ACOT12: variants seen among roughly 807,000 people sequenced by gnomAD.
ACOT12 encodes the protein acyl-CoA thioesterase 12, also known as acetyl-coenzyme A thioesterase.
ACOT12 carries 51 observed loss-of-function variants against 67.7 expected under a neutral mutation model. The observed-to-expected ratio is 0.75, with a 90% CI of 0.60 to 0.95. The LOEUF (loss-of-function observed/expected upper bound fraction) is 0.95. ACOT12 is among the 40% of genes least tolerant of loss of function. ACOT12 has a pLI of 0.00. For synonymous variants in ACOT12, 251 were observed against 244.6 expected, an observed-to-expected ratio of 1.03 and a Z score of -0.24; for missense variants, 734 against 708.1, an observed-to-expected ratio of 1.04 and a Z score of -0.41.
intron 5 of ACOT12, among the ~76,000 whole-genome samples, chr5:81,359,247 C>T (rs1561337631): frequency 1.3e-5 from 2 of 152,104 alleles, no homozygotes; most frequent in Non-Finnish European, 2.9e-5. Flanking sequence ...ACCGGCACCC[C>T]TTGGGGCTTC....
chr5:81,329,524 AAACT>A (rs1259888402), downstream of ACOT12, among the ~76,000 whole-genome samples: 2 of 152,198 alleles, frequency 1.3e-5, no homozygotes, highest in Non-Finnish European at 2.9e-5. Flanking sequence ...GAACTTTAGC[AAACT>A]AACAGCAGGA....
intron 3 of ACOT12, among the ~76,000 whole-genome samples, chr5:81,366,012 T>A (rs1017703919): frequency 6.6e-6 from 1 of 152,220 alleles, no homozygotes; most frequent in East Asian, 1.9e-4. Context: ...AACTGTAACA[T>A]GGACAATTCC....
chr5:81,343,099 TGAACCCGCCACCGGGAGGC>T (rs1352617846), intron 10 of ACOT12, among the ~76,000 whole-genome samples: 5 of 152,174 alleles, frequency 3.3e-5, no homozygotes, highest in Middle Eastern at 3.4e-3. Context: ...AAGAATCGCT[TGAACCCGCCACCGGGAGGC>T]GGAGGTTGCA....
At chr5:81,362,456 A>C (rs757900270) in intron 4 of ACOT12, among the ~76,000 whole-genome samples, 1 of 152,124 alleles carries the variant, frequency 6.6e-6, no homozygotes, top group East Asian at 1.9e-4. Context: ...ATGAGCCACC[A>C]TGCTCGGCCG....
chr5:81,380,437 G>T (rs560231183), intron 2 of ACOT12, among the ~76,000 whole-genome samples: 18 of 151,942 alleles, frequency 1.2e-4, no homozygotes, highest in Admixed American at 2.6e-4. Flanking sequence ...GGTGGCACGT[G>T]CCTGTAATCT....
At chr5:81,345,103 A>ACACCGCTGCCACCTCCTCGCC (rs879622388) in intron 7 of ACOT12, 62 bp from the exon 8 acceptor site, 8 of 678,916 alleles carry the variant, frequency 1.2e-5, no homozygotes, top group Admixed American at 1.1e-4. Flanking sequence ...CCCTCCTTGC[A>ACACCGCTGCCACCTCCTCGCC]CACCGCTGCC....
In ACOT12 at chr5:81,391,051, C is replaced by T. The variant is rs79209735; in HGVS notation, c.127+2937G>A. On this transcript the variant is annotated intron_variant, in intron 1 of 14. Transcript: ENST00000307624. ...TTTGTTTTTTAAAGCAAGCAGTTAA[C>T]CTGACCAAACCAAAACTATAATCTG... Among the ~76,000 whole-genome samples the T allele has an allele frequency of 5.2e-3, 797 of 152,292 alleles. 5 individuals carry two copies. Among genetic ancestry groups the T allele is most frequent in the South Asian group, 0.01 (50 of 4,824 alleles).
intron 1 of ACOT12, among the ~76,000 whole-genome samples, chr5:81,386,163 C>A (rs1760720354): frequency 1.3e-5 from 2 of 152,184 alleles, no homozygotes; most frequent in South Asian, 4.1e-4. Context: ...TTATCAGGTA[C>A]TATCCTTCTT....
At chr5:81,310,157 T>TAAAAAAAAAAAAAAAAAAAAAAA in the ACOT12 span, among the ~76,000 whole-genome samples, 48 of 104,744 alleles carry the variant, frequency 4.6e-4, 2 homozygotes, top group African/African-American at 1.9e-3. Context: ...TGACTAGCTG[T>TAAAAAAAAAAAAAAAAAAAAAAA]AAAAAAAAAA....
chr5:81,363,726 G>A (rs1392605059), intron 4 of ACOT12, 62 bp downstream of exon 4: 1 of 1,239,976 alleles, frequency 8.1e-7, no homozygotes, highest in Non-Finnish European at 1.1e-6. Flanking sequence ...ATAACATTCT[G>A]ATGCAATTGT....
intron 5 of ACOT12, among the ~76,000 whole-genome samples, chr5:81,349,609 T>A (rs1759493064): frequency 6.6e-6 from 1 of 152,226 alleles, no homozygotes; most frequent in African/African-American, 2.4e-5. Context: ...TCAGGGTCTC[T>A]TGAAGGATCT....
At chr5:81,326,771 A>G (rs1489970425), downstream of ACOT12, among the ~76,000 whole-genome samples, 1 of 152,146 alleles carries the variant, frequency 6.6e-6, no homozygotes, top group African/African-American at 2.4e-5. Flanking sequence ...TGACCTATTT[A>G]GTTGTCTATG....
At chr5:81,361,726 T>G (rs1759914954) in intron 4 of ACOT12, among the ~76,000 whole-genome samples, 1 of 152,208 alleles carries the variant, frequency 6.6e-6, no homozygotes, top group African/African-American at 2.4e-5. Flanking sequence ...GCTTTCTCCC[T>G]CCGCACCATC....
intron 1 of ACOT12, 60 bp downstream of exon 1, chr5:81,393,928 G>GCCCCCAC (rs1760933548): frequency 4.7e-6 from 6 of 1,272,542 alleles, no homozygotes; most frequent in Non-Finnish European, 5.9e-6. Context: ...CCAGCCCCCA[G>GCCCCCAC]CCGCCGCCGC....
chr5:81,349,541 C>T (rs112554434), intron 5 of ACOT12, among the ~76,000 whole-genome samples: 1 of 152,120 alleles, frequency 6.6e-6, no homozygotes, highest in Admixed American at 6.6e-5. Flanking sequence ...TGTGGCCCCC[C>T]CTTGGTCATT....
chr5:81,356,605 T>C (rs756162226), intron 5 of ACOT12, among the ~76,000 whole-genome samples: 1 of 152,046 alleles, frequency 6.6e-6, no homozygotes, highest in Non-Finnish European at 1.5e-5. Flanking sequence ...ACTGAACTCA[T>C]CATCTACCTC....
At position 81,332,503 on chromosome 5, in the gene ACOT12, T is replaced by C. The variant is rs774254651; in HGVS notation, c.1365A>G (p.Val455=). 11 of 1,613,994 alleles carry C rather than the reference T, an allele frequency of 6.8e-6. No individual in the cohort carries two copies. Among genetic ancestry groups the C allele is most frequent in the East Asian group, 2.2e-5 (1 of 44,882 alleles). ...CATCTTTGAGGGGTTTTCTTCGTGATACGAGTACTACCAAGTCTTTGGGTT... is the reference window on the plus strand; with the variant it reads ...CATCTTTGAGGGGTTTTCTTCGTGACACGAGTACTACCAAGTCTTTGGGTT... ...DDKPKDLVVL[V]SRRKPLKDGN... Residue 455 remains valine (V), a synonymous_variant, in exon 13 of 15, where the codon GTA becomes GTG. Coordinates refer to ENST00000307624, the MANE Select transcript of ACOT12 (RefSeq NM_130767.3).
chr5:81,378,914 C>A (rs1760497467), intron 2 of ACOT12, among the ~76,000 whole-genome samples: 1 of 152,188 alleles, frequency 6.6e-6, no homozygotes. Context: ...TTGTGGAAGA[C>A]AACGTGGCGA....
At chr5:81,393,864 T>G (rs1374967941) in intron 1 of ACOT12, 124 bp downstream of exon 1, 1 of 1,109,454 alleles carries the variant, frequency 9.0e-7, no homozygotes, top group Non-Finnish European at 1.1e-6. Context: ...CCCCTATCCC[T>G]GGCTGCGCAG....
Sources: allele counts gnomAD v4.1 joint callset (sites outside exome capture counted in the v4.1 genomes callset), GRCh38; gene constraint gnomAD v4.1.1; transcripts MANE v1.5; gene names NCBI Gene and HGNC (gene_info 2026-07-23, HGNC 2026-07-21).